Variants in KLF12 observed in about 807,000 individuals in gnomAD.
KLF12 encodes the protein Krueppel-like factor 12.
In KLF12, 9 loss-of-function variants were observed where a neutral mutation model predicts 37.8. The observed-to-expected ratio is 0.24, with a 90% confidence interval of 0.14 to 0.42. The LOEUF (loss-of-function observed/expected upper bound fraction) is 0.42. KLF12 is among the 10% of genes least tolerant of loss of function. The pLI is 1.00. For synonymous variants in KLF12, 208 were observed against 202.1 expected (o/e 1.03, Z -0.25); for missense variants, 411 against 516.0 (o/e 0.80, Z 1.97).
rs1873623670 is a variant in KLF12, at chr13:73,688,445, C to T, written c.*7045G>A. 6.6e-6 allele frequency: 1 copy of T among 152,150 alleles called. No individual in the cohort carries two copies. Among genetic ancestry groups the T allele is most frequent in the Admixed American group, 6.5e-5 (1 of 15,274 alleles). 9.4% of individuals were successfully genotyped at this position (152,150 alleles called of 1,614,324 possible). A position where few individuals can be genotyped will look rare whatever the true frequency, so the allele number is the denominator to read the frequency against. On this transcript the variant is annotated 3_prime_UTR_variant, in exon 8 of 8. Coordinates refer to ENST00000377669, the MANE Select transcript of KLF12 (RefSeq NM_007249.5). ...TGCAAGAGTGGGCTCTGATATTAAT[C>T]ACTAGTTCCATGGGGGTGAAAATTT...
chr13:74,127,719 A>T (rs749183701), intron 1 of KLF12, among the ~76,000 whole-genome samples: 2 of 152,272 alleles, frequency 1.3e-5, no homozygotes, highest in African/African-American at 2.4e-5. Flanking sequence ...GGTATTCAAT[A>T]AATGTACAAA....
chr13:73,843,928 C>T (rs1443028512), intron 4 of KLF12, among the ~76,000 whole-genome samples: 1 of 152,018 alleles, frequency 6.6e-6, no homozygotes, highest in Non-Finnish European at 1.5e-5. Flanking sequence ...AGTTCTACTA[C>T]AATAATTCAT....
chr13:73,952,572 T>C (rs1053025328), intron 2 of KLF12, among the ~76,000 whole-genome samples: 1 of 152,214 alleles, frequency 6.6e-6, no homozygotes, highest in East Asian at 1.9e-4. Context: ...CCGAGCCATA[T>C]CAAGCTTCTT....
At chr13:73,875,443 G>A (rs1886659937) in intron 3 of KLF12, among the ~76,000 whole-genome samples, 2 of 152,130 alleles carry the variant, frequency 1.3e-5, no homozygotes, top group Non-Finnish European at 2.9e-5. Context: ...TTCTAATTAA[G>A]TGTAGTGGTT....
At chr13:74,306,017 C>T in the KLF12 span, among the ~76,000 whole-genome samples, 1 of 152,032 alleles carries the variant, frequency 6.6e-6, no homozygotes, top group African/African-American at 2.4e-5. Context: ...GCATGATACC[C>T]GGTGACCACA....
upstream of KLF12, among the ~76,000 whole-genome samples, chr13:74,136,978 AAAT>A (rs1279018909): frequency 6.6e-6 from 1 of 152,232 alleles, no homozygotes; most frequent in Non-Finnish European, 1.5e-5. Context: ...AAAACATTTG[AAAT>A]AATACAAAGC....
chr13:74,013,853 CTT>C (rs752776960), intron 1 of KLF12, among the ~76,000 whole-genome samples: 1 of 143,868 alleles, frequency 7.0e-6, no homozygotes. Context: ...TTCTTCTTTT[CTT>C]TTTTTTTTTT....
chr13:74,040,981 T>G (rs1021832582), intron 1 of KLF12, among the ~76,000 whole-genome samples: 3 of 152,202 alleles, frequency 2.0e-5, no homozygotes, highest in Non-Finnish European at 4.4e-5. Flanking sequence ...AACTGATCCC[T>G]TCTTGTCCAT....
At chr13:74,091,090 G>A (rs944933062) in intron 1 of KLF12, among the ~76,000 whole-genome samples, 4 of 152,144 alleles carry the variant, frequency 2.6e-5, no homozygotes, top group Non-Finnish European at 5.9e-5. Context: ...ATGGCCAATA[G>A]ATTTTTGACG....
intron 2 of KLF12, among the ~76,000 whole-genome samples, chr13:73,944,539 A>C (rs1890335030): frequency 6.6e-6 from 1 of 152,250 alleles, no homozygotes. Context: ...ATAATTCCAT[A>C]CATTTAATTT....
intron 6 of KLF12, among the ~76,000 whole-genome samples, chr13:73,738,443 T>C (rs1034985397): frequency 6.6e-6 from 1 of 151,906 alleles, no homozygotes; most frequent in African/African-American, 2.4e-5. Flanking sequence ...TAAGCCACCA[T>C]ACCCGGCCCA....
At chr13:74,302,558 A>C in the KLF12 span, among the ~76,000 whole-genome samples, 1 of 152,270 alleles carries the variant, frequency 6.6e-6, no homozygotes, top group East Asian at 1.9e-4. Flanking sequence ...GAAGAAACTG[A>C]CTTGGAGATG....
chr13:73,736,379 A>C (rs1290306035), intron 6 of KLF12, among the ~76,000 whole-genome samples: 3 of 152,214 alleles, frequency 2.0e-5, no homozygotes, highest in African/African-American at 7.2e-5. Flanking sequence ...ACAGTTAATT[A>C]TCAACATAAT....
intron 5 of KLF12, among the ~76,000 whole-genome samples, chr13:73,798,983 T>A (rs1326804432): frequency 6.6e-6 from 1 of 152,166 alleles, no homozygotes; most frequent in Non-Finnish European, 1.5e-5. Context: ...GTAGCACTAT[T>A]CACAATAGCA....
the KLF12 span, among the ~76,000 whole-genome samples, chr13:74,304,042 C>T: frequency 6.6e-6 from 1 of 152,126 alleles, no homozygotes; most frequent in Non-Finnish European, 1.5e-5. Context: ...AGGGCCCACT[C>T]TGCAGGCTAA....
chr13:73,780,178 T>C (rs1328957554), intron 5 of KLF12, among the ~76,000 whole-genome samples: 2 of 152,228 alleles, frequency 1.3e-5, no homozygotes, highest in African/African-American at 4.8e-5. Flanking sequence ...GTTTATTTTA[T>C]GAGCAAAGAA....
intron 3 of KLF12, among the ~76,000 whole-genome samples, chr13:73,862,055 G>GTT (rs10591257): frequency 7.7e-5 from 11 of 143,016 alleles, no homozygotes; most frequent in African/African-American, 1.8e-4. Context: ...ATATAGTTGG[G>GTT]TTTTTTTTTT....
At chr13:73,892,995 C>G (rs2139031322) in intron 3 of KLF12, among the ~76,000 whole-genome samples, 1 of 151,398 alleles carries the variant, frequency 6.6e-6, no homozygotes, top group South Asian at 2.1e-4. Flanking sequence ...TCAGATAATA[C>G]ACTATGTTCA....
At chr13:74,134,450 G>A (rs1339372685), upstream of KLF12, among the ~76,000 whole-genome samples, 3 of 152,020 alleles carry the variant, frequency 2.0e-5, no homozygotes, top group African/African-American at 4.8e-5. Context: ...CCCGCTCGCA[G>A]AGGTAGAAGG....
Sources: allele counts gnomAD v4.1 joint callset (sites outside exome capture counted in the v4.1 genomes callset), GRCh38; gene constraint gnomAD v4.1.1; transcripts MANE v1.5; gene names NCBI Gene and HGNC (gene_info 2026-07-23, HGNC 2026-07-21).